The following CCNY variants were observed in gnomAD, a reference collection of about 807,000 sequenced individuals.
The protein encoded by CCNY is cyclin-Y.
CCNY carries 19 observed loss-of-function variants against 42.8 expected under a neutral mutation model. The ratio of observed to expected loss-of-function variants is 0.44; its 90% CI spans 0.31 to 0.65. The LOEUF is 0.65. CCNY is among the 30% of genes least tolerant of loss of function. The probability of loss-of-function intolerance (pLI) is 0.07; values close to 1 mark genes in which losing one functional copy is unlikely to be tolerated. For missense variants in CCNY, 370 were observed against 437.3 expected (o/e 0.85, Z 1.37); for synonymous variants, 165 against 162.7 (o/e 1.01, Z -0.11).
chr10:35,409,399 G>A (rs1837854630), intron 1 of CCNY, among the ~76,000 whole-genome samples: 1 of 152,210 alleles, frequency 6.6e-6, no homozygotes, highest in African/African-American at 2.4e-5. Flanking sequence ...TGGTGAGGGT[G>A]TGCTGCCACT....
intron 1 of CCNY, among the ~76,000 whole-genome samples, chr10:35,417,451 T>C (rs886863483): frequency 6.6e-6 from 1 of 152,196 alleles, no homozygotes; most frequent in African/African-American, 2.4e-5. Context: ...GGGTCACTAA[T>C]AGGACTGTTA....
chr10:35,493,053 G>A (rs1402563543), intron 2 of CCNY, among the ~76,000 whole-genome samples: 4 of 152,068 alleles, frequency 2.6e-5, no homozygotes, highest in African/African-American at 7.2e-5. Flanking sequence ...AGTCAGAGGC[G>A]CTCTTTGGGT....
chr10:35,277,402 A>C (rs1375525742), intron 3 of CCNY, among the ~76,000 whole-genome samples: 1 of 152,146 alleles, frequency 6.6e-6, no homozygotes, highest in Non-Finnish European at 1.5e-5. Context: ...CTCCTTTCCT[A>C]TTAGGCCCTG....
intron 1 of CCNY, among the ~76,000 whole-genome samples, chr10:35,439,790 C>T (rs1382201640): frequency 2.6e-5 from 4 of 151,674 alleles, no homozygotes. Flanking sequence ...TGGCATTGCT[C>T]TGGCAGAGGA....
rs755036264 is a variant in CCNY at position 35,570,847 on chromosome 10, G to A, written c.*1677G>A. ...AGTGTTAGGTTTTAGTGAAATTTGT[G>A]TCAGGTATAAGCATACCTGTTTGGG... On this transcript the variant is annotated 3_prime_UTR_variant, in exon 10 of 10. Transcript: ENST00000374704. 1 of 152,442 alleles carries A rather than the reference G, an allele frequency of 6.6e-6. No individual in the cohort carries two copies. The allele number at this position is 152,442 out of a possible 1,614,324, so 9.4% of individuals were successfully genotyped here.
intron 2 of CCNY, among the ~76,000 whole-genome samples, chr10:35,497,491 G>A (rs1280670687): frequency 2.0e-5 from 3 of 151,984 alleles, no homozygotes; most frequent in East Asian, 1.9e-4. Flanking sequence ...TAATCCCAGC[G>A]CTTTGGGAGG....
At chr10:35,313,977 G>GAAAAAAAAAAA (rs71523375) in intron 3 of CCNY, among the ~76,000 whole-genome samples, 3 of 79,770 alleles carry the variant, frequency 3.8e-5, no homozygotes, top group African/African-American at 4.8e-5. Flanking sequence ...GTTCATCTCG[G>GAAAAAAAAAAA]AAAAAAAAAA....
At chr10:35,430,655 A>G (rs138139670) in intron 1 of CCNY, among the ~76,000 whole-genome samples, 4 of 152,328 alleles carry the variant, frequency 2.6e-5, no homozygotes, top group East Asian at 1.9e-4. Context: ...TGTTATTTCA[A>G]TGTCCATTGG....
intron 3 of CCNY, among the ~76,000 whole-genome samples, chr10:35,307,796 GTGTGTA>G (rs1448112273): frequency 0.035 from 2,189 of 62,062 alleles, 73 homozygotes; most frequent in African/African-American, 0.13. Context: ...GTGTGTGTGT[GTGTGTA>G]TATATATATA....
Position 35,380,623 on chromosome 10 carries a change from A to G in CCNY, c.154+43416A>G, listed in dbSNP as rs973911608. Among the ~76,000 whole-genome samples, 7 of 152,356 alleles carry G rather than the reference A, an allele frequency of 4.6e-5. No individual in the cohort carries two copies. The South Asian group carries it at 1.0e-3, about 23-fold the overall frequency. ...AACTATCACATATAGAGCACTTCAC[A>G]TGCTTTACTTTTATCACCTCCCAAT... is the stretch of plus-strand genomic sequence containing the variant. On this transcript the variant is annotated intron_variant, in intron 1 of 9. Coordinates refer to ENST00000374704, the MANE Select transcript of CCNY (RefSeq NM_145012.6).
In CCNY at chr10:35,501,617, A is replaced by G. The variant is rs964583124; in HGVS notation, c.264+82A>G. The G allele has an allele frequency of 6.6e-6, 8 of 1,216,966 alleles. No individual in the cohort carries two copies. The South Asian group carries it at 9.6e-5, about 15-fold the overall frequency. 75.4% of individuals were successfully genotyped at this position (1,216,966 alleles called of 1,614,324 possible). ...AAATAACTGTCTGTGATGGATGAAA[A>G]TGGCTCATGTGCTTTGTAGATACTT... is the stretch of plus-strand genomic sequence containing the variant. On this transcript the variant is annotated intron_variant, in intron 3 of 9. Coordinates refer to ENST00000374704, the MANE Select transcript of CCNY (RefSeq NM_145012.6).
chr10:35,551,941 A>G (rs1310470031), intron 7 of CCNY, among the ~76,000 whole-genome samples: 2 of 152,220 alleles, frequency 1.3e-5, no homozygotes, highest in African/African-American at 4.8e-5. Flanking sequence ...GAAATGGTGC[A>G]TACGGTGGAA....
intron 1 of CCNY, among the ~76,000 whole-genome samples, chr10:35,419,923 A>ATTT (rs1218102375): frequency 1.5e-5 from 2 of 135,588 alleles, no homozygotes; most frequent in African/African-American, 2.7e-5. Flanking sequence ...TATGGCTGTA[A>ATTT]TTTTTTTTTT....
intron 2 of CCNY, among the ~76,000 whole-genome samples, chr10:35,499,440 CAT>C (rs1840066958): frequency 1.3e-5 from 2 of 152,162 alleles, no homozygotes; most frequent in African/African-American, 2.4e-5. Flanking sequence ...CCTCCCACAA[CAT>C]GTGGGAATTC....
At chr10:35,318,740 C>A (rs1564367554) in intron 3 of CCNY, among the ~76,000 whole-genome samples, 11 of 150,452 alleles carry the variant, frequency 7.3e-5, no homozygotes. Context: ...AGTGGTAGAA[C>A]AATAATGATG....
At chr10:35,345,907 T>C (rs1836292161) in intron 1 of CCNY, among the ~76,000 whole-genome samples, 2 of 152,212 alleles carry the variant, frequency 1.3e-5, no homozygotes, top group South Asian at 4.1e-4. Flanking sequence ...ACAGGAGCAG[T>C]GGGATGAATA....
intron 1 of CCNY, among the ~76,000 whole-genome samples, chr10:35,408,308 A>G (rs1296949367): frequency 1.3e-5 from 2 of 152,224 alleles, no homozygotes; most frequent in African/African-American, 4.8e-5. Context: ...TCACATGTGC[A>G]TGTGAAGAGA....
intron 1 of CCNY, among the ~76,000 whole-genome samples, chr10:35,481,005 A>C (rs1186395973): frequency 6.6e-6 from 1 of 152,190 alleles, no homozygotes; most frequent in African/African-American, 2.4e-5. Context: ...TTTACAGTGC[A>C]TAAAACTCAG....
chr10:35,515,446 T>C (rs745487258), intron 3 of CCNY, among the ~76,000 whole-genome samples: 2 of 152,204 alleles, frequency 1.3e-5, no homozygotes, highest in African/African-American at 2.4e-5. Flanking sequence ...GGAAACCTTA[T>C]TAAATGAGAA....
Sources: allele counts gnomAD v4.1 joint callset (sites outside exome capture counted in the v4.1 genomes callset), GRCh38; gene constraint gnomAD v4.1.1; transcripts MANE v1.5; gene names NCBI Gene and HGNC (gene_info 2026-07-23, HGNC 2026-07-21).